The following PRCP variants were observed in gnomAD, a reference collection of about 807,000 sequenced individuals.
The protein encoded by PRCP is prolylcarboxypeptidase.
In PRCP, 46 loss-of-function variants were observed where a neutral mutation model predicts 54.2. That is an observed-to-expected ratio of 0.85 (90% CI 0.67 to 1.09). The LOEUF is 1.09. Ranked by LOEUF, PRCP falls within the 50% of genes least tolerant of loss-of-function variation. PRCP has a pLI of 0.00. For synonymous variants in PRCP, 240 were observed against 212.2 expected (o/e 1.13, Z -1.14); for missense variants, 613 against 596.8 (o/e 1.03, Z -0.28).
chr11:82,852,050 C>T (rs1339840617), intron 3 of PRCP, among the ~76,000 whole-genome samples: 1 of 152,176 alleles, frequency 6.6e-6, no homozygotes, highest in Non-Finnish European at 1.5e-5. Context: ...GCCCCTGGCT[C>T]CATTTTGCTA....
intron 8 of PRCP, chr11:82,827,927 C>G (rs548197623): frequency 6.6e-6 from 1 of 152,122 alleles, no homozygotes; most frequent in Non-Finnish European, 1.5e-5. Flanking sequence ...TTAAAGGAAG[C>G]AATTTTTAAT....
At position 82,850,485 on chromosome 11, in the gene PRCP, G is replaced by C. The variant is rs540270347; in HGVS notation, c.432C>G (p.Phe144Leu). The C allele has an allele frequency of 1.9e-6, 3 of 1,572,618 alleles. No individual in the cohort carries two copies. Among genetic ancestry groups the C allele is most frequent in the African/African-American group, 2.7e-5 (2 of 73,312 alleles). Reference protein sequence around the residue: ...NSFKDSRHLNFLTSEQALADF... With the variant: ...NSFKDSRHLNLLTSEQALADF... ...CAGCCAGAGCTTGTTCTGATGTCAG[G>C]AAATTCAAGTGTCTGGAATCCTAAA... The change falls in exon 4 of 9, where the codon TTC (phenylalanine) becomes TTG (leucine). Residue 144 changes from phenylalanine to leucine, a missense_variant. Phe to Leu is a conservative substitution (Grantham distance 22). Coordinates refer to ENST00000313010, the MANE Select transcript of PRCP (RefSeq NM_005040.4).
intron 2 of PRCP, among the ~76,000 whole-genome samples, chr11:82,859,087 C>A (rs1309645304): frequency 6.6e-6 from 1 of 152,210 alleles, no homozygotes; most frequent in Non-Finnish European, 1.5e-5. Context: ...TCATTCCCCA[C>A]TTTAAGGTAG....
At chr11:82,898,152 AACTC>A (rs1158388024) in intron 1 of PRCP, among the ~76,000 whole-genome samples, 20 of 152,336 alleles carry the variant, frequency 1.3e-4, no homozygotes, top group African/African-American at 4.6e-4. Context: ...AATGAAATAA[AACTC>A]AATTGGAATA....
intron 2 of PRCP, among the ~76,000 whole-genome samples, chr11:82,859,768 G>T (rs1289085613): frequency 6.6e-6 from 1 of 151,898 alleles, no homozygotes; most frequent in African/African-American, 2.4e-5. Context: ...CAGACTTATT[G>T]GATATCTGTA....
At chr11:82,892,158 G>T (rs1400874940) in intron 1 of PRCP, among the ~76,000 whole-genome samples, 1 of 152,150 alleles carries the variant, frequency 6.6e-6, no homozygotes, top group Non-Finnish European at 1.5e-5. Context: ...GAGACATCAT[G>T]ATGTCAATGA....
chr11:82,882,495 T>C lies in PRCP; in HGVS notation c.168+17740A>G, dbSNP rs1030091473. On this transcript the variant is annotated intron_variant, in intron 1 of 8. Coordinates refer to ENST00000313010, the MANE Select transcript of PRCP (RefSeq NM_005040.4). ...ACCAAAGCTGATACTGAGCCAGTTCTTTTTTTTTTTTTTTTTTTGAGACGG... is the reference window on the plus strand; with the variant it reads ...ACCAAAGCTGATACTGAGCCAGTTCCTTTTTTTTTTTTTTTTTTGAGACGG... Among the ~76,000 whole-genome samples the C allele has an allele frequency of 2.7e-4, 29 of 108,540 alleles. No homozygotes were observed. The South Asian group carries it at 8.3e-3, about 31-fold the overall frequency. 71.2% of individuals were successfully genotyped at this position (108,540 alleles called of 152,430 possible).
At chr11:82,841,055 T>TATATATATATATATATATATATAA (rs1555013578) in intron 6 of PRCP, among the ~76,000 whole-genome samples, 2 of 149,580 alleles carry the variant, frequency 1.3e-5, no homozygotes, top group African/African-American at 5.0e-5. Flanking sequence ...ATATATATAA[T>TATATATATATATATATATATATAA]AGACTAGTCC....
At chr11:82,897,595 T>A (rs1860146877) in intron 1 of PRCP, among the ~76,000 whole-genome samples, 2 of 152,378 alleles carry the variant, frequency 1.3e-5, no homozygotes, top group South Asian at 4.1e-4. Context: ...AGGGATGGTA[T>A]TCCAGACAGA....
chr11:82,896,973 C>T (rs547359947), intron 1 of PRCP, among the ~76,000 whole-genome samples: 2 of 152,242 alleles, frequency 1.3e-5, no homozygotes, highest in South Asian at 4.2e-4. Flanking sequence ...CTCTTCACTA[C>T]ATCACACACT....
intron 1 of PRCP, among the ~76,000 whole-genome samples, chr11:82,883,915 C>T (rs1378740950): frequency 6.6e-6 from 1 of 152,076 alleles, no homozygotes; most frequent in Non-Finnish European, 1.5e-5. Flanking sequence ...TCATCTAGAG[C>T]CAATTGTTCA....
intron 1 of PRCP, among the ~76,000 whole-genome samples, chr11:82,887,039 AC>A (rs1230101967): frequency 2.6e-5 from 4 of 151,854 alleles, no homozygotes; most frequent in Non-Finnish European, 4.4e-5. Context: ...AGTCTTACTG[AC>A]CTCTTTTCAG....
intron 1 of PRCP, among the ~76,000 whole-genome samples, chr11:82,864,975 T>C (rs1859297012): frequency 6.6e-6 from 1 of 150,826 alleles, no homozygotes; most frequent in Admixed American, 6.6e-5. Context: ...ACAGCGGGGG[T>C]GGGAGAGGTG....
intron 1 of PRCP, among the ~76,000 whole-genome samples, chr11:82,896,394 T>G (rs1860121423): frequency 6.6e-6 from 1 of 152,114 alleles, no homozygotes; most frequent in Non-Finnish European, 1.5e-5. Context: ...CTAATCAGTT[T>G]AAGGCCTTAA....
At chr11:82,852,842 A>G (rs1256253757) in intron 3 of PRCP, among the ~76,000 whole-genome samples, 1 of 152,220 alleles carries the variant, frequency 6.6e-6, no homozygotes, top group Admixed American at 6.5e-5. Context: ...GGCAGGCTCA[A>G]TAATTTAAGT....
At chr11:82,895,135 T>C (rs1034750592) in intron 1 of PRCP, among the ~76,000 whole-genome samples, 1 of 152,214 alleles carries the variant, frequency 6.6e-6, no homozygotes, top group African/African-American at 2.4e-5. Context: ...CTAACTGTTA[T>C]GCACTGTGCT....
At chr11:82,829,707 A>G (rs1858329722) in intron 8 of PRCP, 1 of 152,164 alleles carries the variant, frequency 6.6e-6, no homozygotes, top group Non-Finnish European at 1.5e-5. Flanking sequence ...GTTTATTTCT[A>G]CATCTCCAAG....
intron 1 of PRCP, among the ~76,000 whole-genome samples, chr11:82,862,545 G>A (rs1565227482): frequency 6.6e-6 from 1 of 152,068 alleles, no homozygotes; most frequent in South Asian, 2.1e-4. Context: ...ACTTGCCTAG[G>A]TCATTCTAAA....
At chr11:82,860,957 A>C (rs1460553716) in intron 1 of PRCP, among the ~76,000 whole-genome samples, 2 of 152,186 alleles carry the variant, frequency 1.3e-5, no homozygotes, top group Non-Finnish European at 2.9e-5. Flanking sequence ...ATAGGAACCA[A>C]CCACAAGGAA....
Sources: gnomAD v4.1 joint callset for allele counts (sites outside exome capture counted in the v4.1 genomes callset) on GRCh38, gnomAD v4.1.1 for gene constraint, MANE v1.5 for transcripts, NCBI Gene and HGNC (gene_info 2026-07-23, HGNC 2026-07-21) for gene names.